APOL3: variants seen among roughly 807,000 people sequenced by gnomAD.
APOL3 encodes TNF-inducible protein CG12-1.
In APOL3, 14 loss-of-function variants were observed where a neutral mutation model predicts 11.6. The observed-to-expected ratio is 1.21, with a 90% CI of 0.80 to 1.89. APOL3 has a LOEUF of 1.89. APOL3 is among the 40% of genes most tolerant of loss of function. The pLI, the probability that APOL3 is intolerant of heterozygous loss-of-function variation, is 0.00. For synonymous variants in APOL3, 192 were observed against 190.6 expected (o/e 1.01, Z -0.06); for missense variants, 483 against 492.1 (o/e 0.98, Z 0.17).
intron 2 of APOL3, among the ~76,000 whole-genome samples, chr22:36,143,689 C>T (rs542556128): frequency 1.7e-4 from 26 of 152,212 alleles, no homozygotes; most frequent in Non-Finnish European, 3.7e-4. Flanking sequence ...TGCACATGAA[C>T]TCTCAAGCCA....
chr22:36,150,974 T>C (rs375402401), intron 1 of APOL3, among the ~76,000 whole-genome samples: 207 of 152,054 alleles, frequency 1.4e-3, no homozygotes, highest in African/African-American at 4.7e-3. Flanking sequence ...GCTGAAGAAG[T>C]GACAACTGAA....
intron 1 of APOL3, chr22:36,159,634 C>T (rs1402298632): frequency 6.6e-6 from 1 of 152,240 alleles, no homozygotes; most frequent in Non-Finnish European, 1.5e-5. Flanking sequence ...GGCCATCTTT[C>T]CCACTAGGGA....
chr22:36,151,192 A>G (rs556670774), intron 1 of APOL3, among the ~76,000 whole-genome samples: 1 of 152,362 alleles, frequency 6.6e-6, no homozygotes, highest in South Asian at 2.1e-4. Flanking sequence ...ATATCTTTGT[A>G]TCCTGATGCC....
intron 2 of APOL3, among the ~76,000 whole-genome samples, chr22:36,144,292 C>T (rs1173758749): frequency 6.6e-6 from 1 of 152,168 alleles, no homozygotes; most frequent in East Asian, 1.9e-4. Flanking sequence ...TCCTCCAACC[C>T]AGGCCCACCC....
At chr22:36,141,645 A>G in exon 3 of APOL3, 1 of 1,614,178 alleles carries the variant, frequency 6.2e-7, no homozygotes. Flanking sequence ...GGTTGCAGTC[A>G]GCCTGCTGGC....
Position 36,158,966 on chromosome 22 carries a change from C to T in APOL3, c.223+1703G>A, listed in dbSNP as rs1001815578. 2.9e-3 allele frequency among the ~76,000 whole-genome samples: 439 copies of T among 150,158 alleles called. 1 individual carries two copies. Among genetic ancestry groups the T allele is most frequent in the African/African-American group, 0.01 (418 of 40,898 alleles). On this transcript the variant is annotated intron_variant, in intron 1 of 2. Transcript: ENST00000349314. ...AATCTGAATAGCAGGTGTGAGTGTG[C>T]GTGTGTGTGTGTGTGTGTGTGTGTG...
intron 1 of APOL3, chr22:36,146,151 T>G (rs1222023773): frequency 6.6e-6 from 1 of 152,242 alleles, no homozygotes; most frequent in African/African-American, 2.4e-5. Context: ...TTGGAATTTT[T>G]GCCTCCAGAA....
intron 1 of APOL3, among the ~76,000 whole-genome samples, chr22:36,147,926 A>C (rs1035550103): frequency 2.6e-5 from 4 of 152,228 alleles, no homozygotes; most frequent in African/African-American, 9.6e-5. Context: ...TACGTTAGGC[A>C]CAAACAAAAC....
At chr22:36,142,161 G>A in intron 2 of APOL3, 103 bp from the exon 4 acceptor site, 9 of 1,281,572 alleles carry the variant, frequency 7.0e-6, no homozygotes, top group Non-Finnish European at 9.4e-6. Flanking sequence ...ATTACTATGA[G>A]TCAAATGGAA....
At chr22:36,154,430 G>A (rs914608704) in intron 1 of APOL3, 2 of 357,200 alleles carry the variant, frequency 5.6e-6, no homozygotes, top group East Asian at 7.5e-5. Flanking sequence ...CTAAAACAGG[G>A]TACTTGAAAT....
At chr22:36,149,193 C>G in intron 1 of APOL3, 51 bp from the exon 2 acceptor site, 1 of 1,329,444 alleles carries the variant, frequency 7.5e-7, no homozygotes, top group South Asian at 1.2e-5. Flanking sequence ...CACCTGTGGA[C>G]AGAGGGAGGT....
exon 3 of APOL3, chr22:36,141,335 G>A (rs562555720): frequency 1.3e-5 from 21 of 1,613,978 alleles, no homozygotes; most frequent in Admixed American, 8.3e-5. Context: ...GCTTTGACTC[G>A]TATACAAGGT....
exon 3 of APOL3, chr22:36,142,047 T>G: frequency 6.2e-7 from 1 of 1,611,462 alleles, no homozygotes; most frequent in Non-Finnish European, 8.5e-7. Context: ...GTAGAGAGCA[T>G]CTGCCTCATC....
At chr22:36,158,418 G>A (rs2013249915) in intron 1 of APOL3, among the ~76,000 whole-genome samples, 2 of 152,182 alleles carry the variant, frequency 1.3e-5, no homozygotes, top group African/African-American at 4.8e-5. Flanking sequence ...TGCAGGGACA[G>A]GGGCTTTAGA....
rs1047753774 is a variant in APOL3 at position 36,143,365 on chromosome 22, C to T, written c.351-1307G>A. ...TCTGTGTTCTTTCCCTGTGATAAAC[C>T]ACAATCGTGCAATAACAGTTATCAG... On this transcript the variant is annotated intron_variant, in intron 2 of 2. Coordinates refer to ENST00000349314, the Ensembl canonical transcript of APOL3. Among the ~76,000 whole-genome samples the T allele has an allele frequency of 2.6e-5, 4 of 152,190 alleles. 1 individual carries two copies. In the South Asian group the frequency reaches 8.3e-4, roughly 32 times the overall value.
upstream of APOL3, among the ~76,000 whole-genome samples, chr22:36,163,527 T>C (rs1030356415): frequency 6.6e-6 from 1 of 152,240 alleles, no homozygotes; most frequent in African/African-American, 2.4e-5. Flanking sequence ...CTTTTCTTTC[T>C]TTCTAACCAC....
chr22:36,160,924 C>A, exon 1 of APOL3: 1 of 1,595,580 alleles, frequency 6.3e-7, no homozygotes, highest in Non-Finnish European at 8.6e-7. Context: ...GTCCCACCCT[C>A]CTGCTGATCC....
chr22:36,152,053 C>T (rs772261237), intron 1 of APOL3, among the ~76,000 whole-genome samples: 4 of 151,798 alleles, frequency 2.6e-5, no homozygotes, highest in African/African-American at 7.3e-5. Flanking sequence ...GAGAAAAAGA[C>T]GTGAAAGAGA....
intron 1 of APOL3, among the ~76,000 whole-genome samples, chr22:36,150,596 T>A (rs923918002): frequency 6.6e-6 from 1 of 152,076 alleles, no homozygotes; most frequent in African/African-American, 2.4e-5. Context: ...AATGGACCAG[T>A]TGTGGTGGCT....
Sources: gnomAD v4.1 joint callset for allele counts (sites outside exome capture counted in the v4.1 genomes callset) on GRCh38, gnomAD v4.1.1 for gene constraint, MANE v1.5 for transcripts, NCBI Gene and HGNC (gene_info 2026-07-23, HGNC 2026-07-21) for gene names.